Variants in PTPRD observed in about 807,000 individuals in gnomAD.
PTPRD encodes the protein protein tyrosine phosphatase receptor type D, also known as receptor-type tyrosine-protein phosphatase delta.
PTPRD carries 34 observed loss-of-function variants against 214.5 expected under a neutral mutation model. The observed-to-expected ratio is 0.16, with a 90% CI of 0.12 to 0.21. PTPRD has a LOEUF of 0.21. Ranked by LOEUF, PTPRD falls within the 10% of genes least tolerant of loss-of-function variation. The probability of loss-of-function intolerance (pLI) is 1.00; values close to 1 mark genes in which losing one functional copy is unlikely to be tolerated. For missense variants in PTPRD, 2,545 were observed against 2,398.7 expected (o/e 1.06, Z -1.27); for synonymous variants, 1,128 against 845.7 (o/e 1.33, Z -5.79).
chr9:10,329,729 T>C (rs886371467), intron 3 of PTPRD, among the ~76,000 whole-genome samples: 3 of 151,884 alleles, frequency 2.0e-5, no homozygotes, highest in Non-Finnish European at 2.9e-5. Flanking sequence ...CACACAACTT[T>C]ACTGACTTAC....
chr9:10,166,781 A>C (rs1022939609), intron 3 of PTPRD, among the ~76,000 whole-genome samples: 10 of 152,122 alleles, frequency 6.6e-5, no homozygotes, highest in Non-Finnish European at 1.0e-4. Flanking sequence ...ATGATAAGGC[A>C]TCAAGTTTTT....
In PTPRD at chr9:8,528,672, C is replaced by T. The variant is rs1269604232; in HGVS notation, c.460G>A (p.Asp154Asn). The change falls in exon 15 of 46, where the codon GAT (aspartate) becomes AAT (asparagine). Residue 154 changes from aspartate (D) to asparagine (N), a missense_variant. Asp to Asn is a conservative substitution (Grantham distance 23). Coordinates refer to ENST00000381196, the MANE Select transcript of PTPRD (RefSeq NM_002839.4). ...TCTTTAAACCAAGTGATTTCTGGAT[C>T]CGGATTACCACTGGCTGCACAAAGC... ...TMLCAASGNP[D>N]PEITWFKDFL... The T allele has an allele frequency of 6.2e-7, 1 of 1,613,722 alleles. No individual in the cohort carries two copies.
chr9:9,423,323 T>C (rs113371503), intron 8 of PTPRD, among the ~76,000 whole-genome samples: 4,134 of 152,232 alleles, frequency 0.027, 63 homozygotes, highest in Non-Finnish European at 0.041. Flanking sequence ...CAGGGTTCTC[T>C]TTCTCTCCAC....
At chr9:9,593,560 CAG>C (rs2092982189) in intron 7 of PTPRD, among the ~76,000 whole-genome samples, 1 of 151,820 alleles carries the variant, frequency 6.6e-6, no homozygotes, top group African/African-American at 2.4e-5. Flanking sequence ...GGAGTCACCC[CAG>C]ATTACTAAAA....
At chr9:9,562,969 G>C (rs987965249) in intron 8 of PTPRD, among the ~76,000 whole-genome samples, 3 of 152,158 alleles carry the variant, frequency 2.0e-5, no homozygotes, top group Non-Finnish European at 2.9e-5. Flanking sequence ...CAATGGTCTA[G>C]AACACAGTAG....
intron 2 of PTPRD, among the ~76,000 whole-genome samples, chr9:10,499,262 G>C (rs1360497531): frequency 6.6e-6 from 1 of 151,872 alleles, no homozygotes; most frequent in Non-Finnish European, 1.5e-5. Flanking sequence ...TCCCACTTAT[G>C]TGTGAGAACA....
intron 12 of PTPRD, among the ~76,000 whole-genome samples, chr9:8,688,959 G>C (rs78027862): frequency 0.032 from 4,854 of 152,250 alleles, 168 homozygotes; most frequent in East Asian, 0.098. Flanking sequence ...TGCATTTGAA[G>C]AATGTTCTAA....
intron 10 of PTPRD, among the ~76,000 whole-genome samples, chr9:9,150,552 T>C (rs115918246): frequency 0.034 from 5,083 of 150,784 alleles, 303 homozygotes; most frequent in African/African-American, 0.12. Context: ...TGCAATGGTG[T>C]GATTTCAGCT....
At chr9:10,154,575 C>A (rs2099082019) in intron 3 of PTPRD, among the ~76,000 whole-genome samples, 1 of 152,096 alleles carries the variant, frequency 6.6e-6, no homozygotes, top group Non-Finnish European at 1.5e-5. Flanking sequence ...AGGTTGTCTT[C>A]CAGAGTTTTT....
chr9:9,348,607 T>C (rs769136085), intron 9 of PTPRD, among the ~76,000 whole-genome samples: 7 of 152,096 alleles, frequency 4.6e-5, no homozygotes, highest in Non-Finnish European at 1.0e-4. Flanking sequence ...CACTGTGTAA[T>C]GGGACGTTGG....
rs536781686 is a variant in PTPRD at position 9,479,558 on chromosome 9, G to T, written c.-236-82076C>A. ...TACAAGTACTAAAAACAAGTCATTG[G>T]ATTTAATTAACTTGCTTTTTCTATA... On this transcript the variant is annotated intron_variant, in intron 8 of 45. Coordinates refer to ENST00000381196, the MANE Select transcript of PTPRD (RefSeq NM_002839.4). Among the ~76,000 whole-genome samples, 9 of 152,104 alleles carry T rather than the reference G, an allele frequency of 5.9e-5. No individual in the cohort carries two copies. The East Asian group carries it at 1.7e-3, about 29-fold the overall frequency.
chr9:10,092,749 G>C (rs552854272), intron 3 of PTPRD, among the ~76,000 whole-genome samples: 2 of 151,376 alleles, frequency 1.3e-5, no homozygotes, highest in South Asian at 4.2e-4. Context: ...TGGTACAAAA[G>C]CACACATACA....
intron 5 of PTPRD, among the ~76,000 whole-genome samples, chr9:9,913,012 CATTCTT>C (rs1335496848): frequency 1.3e-5 from 2 of 152,002 alleles, no homozygotes; most frequent in Non-Finnish European, 2.9e-5. Flanking sequence ...TTTCTGTAAA[CATTCTT>C]ATAAGTTTTT....
chr9:10,436,565 C>T (rs73406187), intron 2 of PTPRD, among the ~76,000 whole-genome samples: 5,193 of 151,616 alleles, frequency 0.034, 108 homozygotes, highest in South Asian at 0.07. Flanking sequence ...ATAAAATGCA[C>T]GTATTCTTAC....
chr9:10,028,823 C>G (rs748701474), intron 4 of PTPRD, among the ~76,000 whole-genome samples: 1 of 152,156 alleles, frequency 6.6e-6, no homozygotes, highest in Non-Finnish European at 1.5e-5. Flanking sequence ...AAATTCAAGT[C>G]GGCTGCAGAC....
At chr9:9,857,378 G>A (rs529120369) in intron 5 of PTPRD, among the ~76,000 whole-genome samples, 1 of 152,278 alleles carries the variant, frequency 6.6e-6, no homozygotes, top group Admixed American at 6.5e-5. Context: ...CAATTCATTG[G>A]AATGGAGCCC....
intron 11 of PTPRD, among the ~76,000 whole-genome samples, chr9:8,982,930 G>A (rs2099320795): frequency 6.6e-6 from 1 of 151,926 alleles, no homozygotes; most frequent in Non-Finnish European, 1.5e-5. Context: ...TGGTCTCTCT[G>A]CATAGGGATA....
chr9:10,223,599 G>A (rs2099578625), intron 3 of PTPRD, among the ~76,000 whole-genome samples: 4 of 151,138 alleles, frequency 2.6e-5, no homozygotes, highest in South Asian at 2.1e-4. Flanking sequence ...GGGAGACGGA[G>A]GTTGCATTGA....
intron 8 of PTPRD, among the ~76,000 whole-genome samples, chr9:9,490,293 A>G (rs1228488151): frequency 3.3e-5 from 5 of 152,116 alleles, no homozygotes; most frequent in Non-Finnish European, 7.4e-5. Context: ...GATGCAACAC[A>G]ATAGCTAGAA....
Sources: gnomAD v4.1 joint callset for allele counts (sites outside exome capture counted in the v4.1 genomes callset) on GRCh38, gnomAD v4.1.1 for gene constraint, MANE v1.5 for transcripts, NCBI Gene and HGNC (gene_info 2026-07-23, HGNC 2026-07-21) for gene names.